Variants in GRID2 observed in about 807,000 individuals in gnomAD.
The protein encoded by GRID2 is glutamate ionotropic receptor delta type subunit 2.
GRID2 carries 33 observed loss-of-function variants against 114.8 expected under a neutral mutation model. That is an observed-to-expected ratio of 0.29 (90% CI 0.22 to 0.38). The LOEUF is 0.38. Ranked by LOEUF, GRID2 falls within the 10% of genes least tolerant of loss-of-function variation. GRID2 has a pLI of 1.00. For synonymous variants in GRID2, 505 were observed against 449.9 expected (o/e 1.12, Z -1.55); for missense variants, 1,184 against 1,257.7 (o/e 0.94, Z 0.89).
intron 2 of GRID2, among the ~76,000 whole-genome samples, chr4:92,636,144 C>G (rs1019543501): frequency 1.3e-5 from 2 of 151,998 alleles, no homozygotes; most frequent in Non-Finnish European, 2.9e-5. Context: ...TGTTAGAACC[C>G]TAGAGTTGGT....
chr4:93,488,855 C>G (rs1726683037), intron 11 of GRID2, among the ~76,000 whole-genome samples: 1 of 151,896 alleles, frequency 6.6e-6, no homozygotes, highest in South Asian at 2.1e-4. Flanking sequence ...TCTTCCTTTT[C>G]TGATAAGGAC....
intron 8 of GRID2, among the ~76,000 whole-genome samples, chr4:93,312,280 C>A (rs1395040060): frequency 2.0e-5 from 3 of 152,046 alleles, no homozygotes; most frequent in Non-Finnish European, 4.4e-5. Context: ...AGTATGAATG[C>A]AGATTAAGTT....
intron 13 of GRID2, among the ~76,000 whole-genome samples, chr4:93,565,361 T>A (rs1735304483): frequency 6.6e-6 from 1 of 152,130 alleles, no homozygotes; most frequent in Admixed American, 6.6e-5. Flanking sequence ...ATGTCACCAT[T>A]GGAGAAACTA....
At chr4:93,617,985 C>A (rs989852048) in intron 13 of GRID2, among the ~76,000 whole-genome samples, 4 of 150,662 alleles carry the variant, frequency 2.7e-5, no homozygotes, top group African/African-American at 7.5e-5. Context: ...TACTACCCCC[C>A]CTAACCTTCT....
At chr4:92,875,855 T>G (rs1745590907) in intron 2 of GRID2, among the ~76,000 whole-genome samples, 1 of 152,138 alleles carries the variant, frequency 6.6e-6, no homozygotes, top group South Asian at 2.1e-4. Flanking sequence ...CATTAAGCAT[T>G]TACTGAAGAC....
chr4:92,740,905 C>G (rs916244567), intron 2 of GRID2, among the ~76,000 whole-genome samples: 2 of 152,160 alleles, frequency 1.3e-5, no homozygotes, highest in Middle Eastern at 3.4e-3. Flanking sequence ...TGCCACCATG[C>G]CTGACTTATT....
chr4:93,632,940 G>T (rs1425236712), intron 14 of GRID2, among the ~76,000 whole-genome samples: 2 of 152,092 alleles, frequency 1.3e-5, no homozygotes, highest in Non-Finnish European at 2.9e-5. Flanking sequence ...CACATCCCTT[G>T]TAAGTTGGAT....
At chr4:93,305,316 A>G (rs554171505) in intron 8 of GRID2, among the ~76,000 whole-genome samples, 1 of 152,332 alleles carries the variant, frequency 6.6e-6, no homozygotes, top group South Asian at 2.1e-4. Flanking sequence ...GCATTTAAAA[A>G]GCTTCAAAGA....
chr4:92,465,928 A>G (rs1015245042), intron 1 of GRID2, among the ~76,000 whole-genome samples: 8 of 151,966 alleles, frequency 5.3e-5, no homozygotes, highest in Admixed American at 3.3e-4. Context: ...CATAAAGAAA[A>G]TAATGATCAT....
At chr4:93,019,371 T>C (rs143257910) in intron 2 of GRID2, among the ~76,000 whole-genome samples, 11 of 152,306 alleles carry the variant, frequency 7.2e-5, no homozygotes, top group African/African-American at 2.4e-4. Context: ...TTTCAAGCTG[T>C]CTTCTAAGAC....
At chr4:92,428,608 A>G (rs1457022566) in intron 1 of GRID2, among the ~76,000 whole-genome samples, 10 of 152,140 alleles carry the variant, frequency 6.6e-5, no homozygotes, top group Admixed American at 3.9e-4. Flanking sequence ...GTATTAAGTT[A>G]TAACTATTAT....
rs181658256 is a variant in GRID2 at position 93,322,559 on chromosome 4, C to T, written c.1246-73048C>T. 6.6e-5 allele frequency among the ~76,000 whole-genome samples: 10 copies of T among 152,102 alleles called. No individual in the cohort carries two copies. The East Asian group carries it at 1.9e-3, about 29-fold the overall frequency. On this transcript the variant is annotated intron_variant, in intron 8 of 15. Coordinates refer to ENST00000282020, the MANE Select transcript of GRID2 (RefSeq NM_001510.4). Reference sequence around the variant, plus strand: ...TGATTTATAATCCTTTGGGTATATACCCAGTAATGGGATGGCTGGGTCAAA... The same window carrying T: ...TGATTTATAATCCTTTGGGTATATATCCAGTAATGGGATGGCTGGGTCAAA...
intron 2 of GRID2, among the ~76,000 whole-genome samples, chr4:92,940,478 G>A (rs937089115): frequency 5.3e-5 from 8 of 151,908 alleles, no homozygotes; most frequent in African/African-American, 1.9e-4. Context: ...CTGAGACGAT[G>A]GGGTTTTCTA....
At chr4:93,109,809 ATCT>A (rs1302506026) in intron 3 of GRID2, among the ~76,000 whole-genome samples, 2 of 152,194 alleles carry the variant, frequency 1.3e-5, no homozygotes, top group Non-Finnish European at 2.9e-5. Context: ...TATTTCAGAT[ATCT>A]TCTTCTATAA....
rs1393372287 is a variant in GRID2 at position 92,965,450 on chromosome 4, T to TGAA, written c.245-119545_245-119544insGAA. Among the ~76,000 whole-genome samples, 13 of 85,770 alleles carry TGAA rather than the reference T, an allele frequency of 1.5e-4. No individual in the cohort carries two copies. The East Asian group carries it at 1.9e-3, about 12-fold the overall frequency. The allele number at this position is 85,770 out of a possible 152,430, so 56.3% of individuals were successfully genotyped here. A position where few individuals can be genotyped will look rare whatever the true frequency, so the allele number is the denominator to read the frequency against. ...AGGGTTGCCATAAACATTCAATTTG[T>TGAA]AAAAAAAAAAAAAAAAAAAAAAAAA... On this transcript the variant is annotated intron_variant, in intron 2 of 15. Coordinates refer to ENST00000282020, the MANE Select transcript of GRID2 (RefSeq NM_001510.4).
At chr4:92,664,324 C>T (rs62309225) in intron 2 of GRID2, among the ~76,000 whole-genome samples, 9,180 of 151,014 alleles carry the variant, frequency 0.061, 332 homozygotes, top group East Asian at 0.16. Flanking sequence ...CCTTATTTCT[C>T]TTTCGATCAA....
chr4:92,452,143 T>TTA (rs1357034427), intron 1 of GRID2, among the ~76,000 whole-genome samples: 1 of 152,158 alleles, frequency 6.6e-6, no homozygotes, highest in Non-Finnish European at 1.5e-5. Flanking sequence ...AAAGCTACCA[T>TTA]TATATACTTG....
intron 1 of GRID2, among the ~76,000 whole-genome samples, chr4:92,367,552 C>T (rs1270456885): frequency 6.6e-6 from 1 of 151,960 alleles, no homozygotes; most frequent in Non-Finnish European, 1.5e-5. Context: ...GATCTACATA[C>T]AGGGGTGACT....
intron 11 of GRID2, among the ~76,000 whole-genome samples, chr4:93,475,762 A>G (rs190705793): frequency 9.9e-5 from 15 of 152,164 alleles, no homozygotes; most frequent in African/African-American, 2.6e-4. Flanking sequence ...AATGGGTGCA[A>G]TTTTCCTCAG....
Sources: gnomAD v4.1 joint callset for allele counts (sites outside exome capture counted in the v4.1 genomes callset) on GRCh38, gnomAD v4.1.1 for gene constraint, MANE v1.5 for transcripts, NCBI Gene and HGNC (gene_info 2026-07-23, HGNC 2026-07-21) for gene names.